The following CDR2L variants were observed in gnomAD, a reference collection of about 807,000 sequenced individuals.
CDR2L encodes the protein cerebellar degeneration related protein 2 like.
Under a neutral mutation model 36.1 loss-of-function variants are expected in CDR2L, and 19 were observed. That is an observed-to-expected ratio of 0.53 (90% confidence interval 0.37 to 0.77). The LOEUF (loss-of-function observed/expected upper bound fraction) is 0.77. CDR2L is among the 30% of genes least tolerant of loss of function. CDR2L has a pLI of 0.00. For missense variants in CDR2L, 575 were observed against 627.2 expected, an observed-to-expected ratio of 0.92 and a Z score of 0.89; for synonymous variants, 285 against 280.4, an observed-to-expected ratio of 1.02 and a Z score of -0.16.
In CDR2L at chr17:74,987,664, C is replaced by A. The variant is rs1311435579; in HGVS notation, c.-380C>A. 1 of 155,362 alleles carries A rather than the reference C, an allele frequency of 6.4e-6. No homozygotes were observed. The highest frequency in any genetic ancestry group is 1.9e-4 in the East Asian group (1 of 5,354). The allele number at this position is 155,362 out of a possible 1,614,324, so 9.6% of individuals were successfully genotyped here. ...AGCGGCGGCTCCGGTTGTCGCCGGG[C>A]GGGCCAGGAGCAGCGCGGACCCGAG... On this transcript the variant is annotated 5_prime_UTR_variant, in exon 1 of 5. Transcript: ENST00000337231.
intron 1 of CDR2L, among the ~76,000 whole-genome samples, chr17:74,990,805 G>A (rs1362975028): frequency 2.6e-5 from 4 of 152,342 alleles, no homozygotes; most frequent in South Asian, 2.1e-4. Context: ...CGGGCCAAAG[G>A]CCAGCCATAT....
Position 74,988,071 on chromosome 17 carries a change from T to G in CDR2L, c.28T>G (p.Phe10Val). ...GCGGAGAGCCGCCGGGATGGAGGAC[T>G]TCTCCGCGGAGGAAGAGGAGTCCTG... MRRAAGMED[F>V]SAEEEESWYD... The change falls in exon 1 of 5, where the codon TTC becomes GTC. Residue 10 changes from phenylalanine (F) to valine (V), a missense_variant. Phe to Val is a conservative substitution (Grantham distance 50). Coordinates refer to ENST00000337231, the MANE Select transcript of CDR2L (RefSeq NM_014603.3). The G allele has an allele frequency of 6.5e-7, 1 of 1,530,204 alleles. No individual in the cohort carries two copies. Among genetic ancestry groups the G allele is most frequent in the South Asian group, 1.2e-5 (1 of 82,432 alleles). 94.8% of individuals were successfully genotyped at this position (1,530,204 alleles called of 1,614,324 possible). A position where few individuals can be genotyped will look rare whatever the true frequency, so the allele number is the denominator to read the frequency against.
rs746943834 is a variant in CDR2L, at chr17:75,003,239, T to C, written c.563T>C (p.Leu188Pro). The C allele has an allele frequency of 1.2e-5, 19 of 1,564,424 alleles. No individual in the cohort carries two copies. The highest frequency in any genetic ancestry group is 2.6e-6 in the Non-Finnish European group (3 of 1,155,458). Residue 188 changes from leucine (L) to proline (P), a missense_variant, in exon 5 of 5, where the codon CTG becomes CCG. Coordinates refer to ENST00000337231, the MANE Select transcript of CDR2L (RefSeq NM_014603.3). ...SSSLELGPRP[L>P]EQENERLQTL... ...TCCCTGGAGCTGGGCCCGCGGCCCC[T>C]GGAGCAGGAGAACGAGCGGCTGCAG...
At chr17:75,001,233 C>CAAAAG (rs769720123) in intron 2 of CDR2L, 108 bp from the exon 3 acceptor site, 4 of 1,230,628 alleles carry the variant, frequency 3.3e-6, no homozygotes, top group Non-Finnish European at 3.3e-6. Flanking sequence ...GACTCTGTAT[C>CAAAAG]AAAAGAAAAG....
intron 1 of CDR2L, among the ~76,000 whole-genome samples, chr17:74,991,521 T>A (rs994945811): frequency 2.0e-5 from 3 of 148,788 alleles, no homozygotes; most frequent in African/African-American, 7.4e-5. Flanking sequence ...ATCGAAACCA[T>A]CCTGGCTAAC....
chr17:75,001,150 C>G (rs1053817929), intron 2 of CDR2L, among the ~76,000 whole-genome samples, 191 bp from the exon 3 acceptor site: 2 of 152,042 alleles, frequency 1.3e-5, no homozygotes, highest in African/African-American at 4.8e-5. Flanking sequence ...ATGAAAATCA[C>G]TTGAACCCAG....
intron 1 of CDR2L, 106 bp downstream of exon 1, chr17:74,988,228 G>A (rs2039775583): frequency 1.5e-5 from 11 of 753,956 alleles, no homozygotes; most frequent in Admixed American, 4.2e-5. Flanking sequence ...GGGCTGGACC[G>A]GGCGCGCCCG....
rs546866605 is a variant in CDR2L, at chr17:75,002,372, G to A, written c.506+144G>A. On this transcript the variant is annotated intron_variant, in intron 4 of 4. Transcript: ENST00000337231. This position sits in a 1 kb window ranked among gnomAD's most constrained non-coding sequence, Gnocchi z 4.1. Reference sequence around the variant, plus strand: ...GCTAATGACAGTCACAGCAGCTGGCGTTTACTGAGCCCTGGCTGTGTGCTG... The same window carrying A: ...GCTAATGACAGTCACAGCAGCTGGCATTTACTGAGCCCTGGCTGTGTGCTG... 9.9e-6 allele frequency: 7 copies of A among 704,170 alleles called. No individual in the cohort carries two copies. The highest frequency in any genetic ancestry group is 3.7e-5 in the South Asian group (2 of 53,844). 43.6% of individuals were successfully genotyped at this position (704,170 alleles called of 1,614,324 possible).
chr17:74,999,695 G>C (rs1280987072), intron 2 of CDR2L, 79 bp downstream of exon 2: 24 of 813,894 alleles, frequency 2.9e-5, no homozygotes, highest in African/African-American at 2.9e-4. Context: ...CTTAGAATAA[G>C]GTGCCAGCTT....
chr17:74,988,209 G>A (rs2039775394), intron 1 of CDR2L, 87 bp downstream of exon 1: 2 of 1,032,828 alleles, frequency 1.9e-6, no homozygotes, highest in Non-Finnish European at 2.7e-6. Context: ...TATCACCCCG[G>A]GAGGGGCTGG....
At chr17:74,997,855 C>CA (rs1269410012) in intron 1 of CDR2L, among the ~76,000 whole-genome samples, 2 of 129,626 alleles carry the variant, frequency 1.5e-5, no homozygotes, top group East Asian at 2.2e-4. Flanking sequence ...ACTAAAAATA[C>CA]AAAAAATTAG....
In CDR2L at chr17:75,001,448, G is replaced by A; in HGVS notation, c.300G>A (p.Arg100=). Residue 100 remains arginine (R), a synonymous_variant, in exon 3 of 5, where the codon AGG becomes AGA. Coordinates refer to ENST00000337231, the MANE Select transcript of CDR2L (RefSeq NM_014603.3). ...GGGACCTGGAGCTGACCAACCACAG[G>A]CTGGTGCTGGAGAGTAAGGCTGCCC... is the stretch of plus-strand genomic sequence containing the variant. ...TARDLELTNH[R]LVLESKAAQQ... 5 of 1,600,166 alleles carry A rather than the reference G, an allele frequency of 3.1e-6. No individual in the cohort carries two copies. Among genetic ancestry groups the A allele is most frequent in the Non-Finnish European group, 4.3e-6 (5 of 1,174,370 alleles).
At chr17:74,996,430 C>T (rs373259133) in intron 1 of CDR2L, among the ~76,000 whole-genome samples, 17 of 123,832 alleles carry the variant, frequency 1.4e-4, no homozygotes, top group Admixed American at 7.2e-4. Context: ...GGAGACAAAG[C>T]GAGACTCCGT....
rs1437956578 is a variant in CDR2L at position 75,001,457 on chromosome 17, G to A, written c.309G>A (p.Leu103=). The change falls in exon 3 of 5, where the codon CTG becomes CTA. Residue 103 remains leucine (L), a synonymous_variant. Coordinates refer to ENST00000337231, the MANE Select transcript of CDR2L (RefSeq NM_014603.3). ...DLELTNHRLV[L]ESKAAQQKIH... Reference sequence around the variant, plus strand: ...AGCTGACCAACCACAGGCTGGTGCTGGAGAGTAAGGCTGCCCAGCAGAAGA... The same window carrying A: ...AGCTGACCAACCACAGGCTGGTGCTAGAGAGTAAGGCTGCCCAGCAGAAGA... The A allele has an allele frequency of 2.5e-6, 4 of 1,592,420 alleles. No homozygotes were observed. The highest frequency in any genetic ancestry group is 3.4e-6 in the Non-Finnish European group (4 of 1,170,902).
intron 1 of CDR2L, among the ~76,000 whole-genome samples, chr17:74,991,200 C>T (rs1012453610): frequency 6.8e-6 from 1 of 147,714 alleles, no homozygotes; most frequent in African/African-American, 2.5e-5. Flanking sequence ...GTCGGGAGTT[C>T]GAGACTAGCC....
At chr17:74,992,348 C>T (rs919756443) in intron 1 of CDR2L, among the ~76,000 whole-genome samples, 1 of 151,870 alleles carries the variant, frequency 6.6e-6, no homozygotes, top group African/African-American at 2.4e-5. Flanking sequence ...CCAACCCAGA[C>T]TTAATGTTGT....
At chr17:74,998,220 C>T (rs1012219310) in intron 1 of CDR2L, among the ~76,000 whole-genome samples, 3 of 151,282 alleles carry the variant, frequency 2.0e-5, no homozygotes, top group Non-Finnish European at 4.4e-5. Flanking sequence ...AGCAAAACTC[C>T]GTCTCAAAAA....
At chr17:74,993,818 G>C (rs993591414) in intron 1 of CDR2L, among the ~76,000 whole-genome samples, 3 of 152,182 alleles carry the variant, frequency 2.0e-5, no homozygotes, top group African/African-American at 7.2e-5. Context: ...AGATGACACA[G>C]GGCCCTCCTT....
intron 2 of CDR2L, 89 bp from the exon 3 acceptor site, chr17:75,001,252 A>C: frequency 7.5e-7 from 1 of 1,330,762 alleles, no homozygotes; most frequent in South Asian, 1.7e-5. Flanking sequence ...AGAAAAGAAA[A>C]AAGACAAAAA....
Sources: gnomAD v4.1 joint callset for allele counts (sites outside exome capture counted in the v4.1 genomes callset) on GRCh38, gnomAD v4.1.1 for gene constraint, Gnocchi (gnomAD v3.1) non-coding constraint, MANE v1.5 for transcripts, NCBI Gene and HGNC (gene_info 2026-07-23, HGNC 2026-07-21) for gene names.